RYR2: variants seen among roughly 807,000 people sequenced by gnomAD.
The protein encoded by RYR2 is ryanodine receptor 2, also known as cardiac muscle ryanodine receptor-calcium release channel.
Under a neutral mutation model 601.1 loss-of-function variants are expected in RYR2, and 227 were observed. The ratio of observed to expected loss-of-function variants is 0.38; its 90% CI spans 0.34 to 0.42. The LOEUF is 0.42. Ranked by LOEUF, RYR2 falls within the 10% of genes least tolerant of loss-of-function variation. RYR2 has a pLI of 1.00. For synonymous variants in RYR2, 2,223 were observed against 2,175.1 expected (o/e 1.02, Z -0.61); for missense variants, 4,646 against 6,156.5 (o/e 0.75, Z 8.21).
chr1:237,141,574 T>A (rs531125910), intron 1 of RYR2, among the ~76,000 whole-genome samples: 1 of 152,236 alleles, frequency 6.6e-6, no homozygotes, highest in South Asian at 2.1e-4. Context: ...GTTCCCCAAC[T>A]GGGAAGATGT....
At chr1:237,581,362 G>A (rs1210213114) in intron 29 of RYR2, among the ~76,000 whole-genome samples, 2 of 152,152 alleles carry the variant, frequency 1.3e-5, no homozygotes, top group African/African-American at 2.4e-5. Context: ...CCTGAAAGGA[G>A]TGTGAGTAAA....
chr1:237,784,201 C>T lies in RYR2; in HGVS notation c.12489C>T (p.Pro4163=), dbSNP rs777321777. 13 of 1,613,848 alleles carry T rather than the reference C, an allele frequency of 8.1e-6. No individual in the cohort carries two copies. The highest frequency in any genetic ancestry group is 5.0e-5 in the Admixed American group (3 of 59,996). The change falls in exon 90 of 105, where the codon CCC becomes CCT. Residue 4163 remains proline (P), a synonymous_variant. Transcript: ENST00000366574. This position sits in a 1 kb window ranked among gnomAD's most constrained non-coding sequence, Gnocchi z 7.1. The part of the protein sequence containing the change: ...SESSRTQWEK[P]QVKESKRQFI... ...CCAGCCGAACCCAGTGGGAGAAGCC[C>T]CAGGTCAAGGAGTCCAAAAGACAGT...
Position 237,654,327 on chromosome 1 carries a change from G to C in RYR2, c.7878G>C (p.Gly2626=), listed in dbSNP as rs1553269593. The change falls in exon 52 of 105, where the codon GGG becomes GGC. Residue 2626 remains glycine (G), a synonymous_variant. Coordinates refer to ENST00000366574, the MANE Select transcript of RYR2 (RefSeq NM_001035.3). ...RCWKYYCLPG[G]WGNFGAASEE... ...GGAAATATTACTGCCTGCCTGGAGG[G>C]TGGGGAAACTTTGGTGCTGCCTCAG... 6.2e-7 allele frequency: 1 copy of C among 1,613,968 alleles called. No homozygotes were observed. Among genetic ancestry groups the C allele is most frequent in the Non-Finnish European group, 8.5e-7 (1 of 1,179,874 alleles).
chr1:237,259,595 G>A (rs1688327905), intron 1 of RYR2, among the ~76,000 whole-genome samples: 2 of 150,010 alleles, frequency 1.3e-5, no homozygotes, highest in Non-Finnish European at 3.0e-5. Flanking sequence ...AGCATAAATA[G>A]TTAAGCCTAC....
intron 1 of RYR2, among the ~76,000 whole-genome samples, chr1:237,121,273 G>A (rs1450939671): frequency 6.6e-6 from 1 of 152,114 alleles, no homozygotes; most frequent in Non-Finnish European, 1.5e-5. Context: ...GCCTTACTTA[G>A]GCTTCTGATG....
intron 92 of RYR2, 45 bp downstream of exon 92, chr1:237,788,180 C>A (rs533405558): frequency 2.7e-6 from 4 of 1,490,466 alleles, no homozygotes; most frequent in East Asian, 2.3e-5. Context: ...TAGTGCAATA[C>A]CGTAATAATT....
chr1:237,595,174 G>A (rs1250600576), intron 33 of RYR2, among the ~76,000 whole-genome samples: 2 of 151,958 alleles, frequency 1.3e-5, no homozygotes, highest in African/African-American at 4.8e-5. Context: ...TTTTTAAATA[G>A]TTAAACTTTT....
intron 66 of RYR2, among the ~76,000 whole-genome samples, chr1:237,703,620 A>T (rs890240001): frequency 6.8e-6 from 1 of 148,124 alleles, no homozygotes; most frequent in African/African-American, 2.4e-5. Context: ...TATATATATA[A>T]AATATATAAA....
chr1:237,251,317 C>T lies in RYR2; in HGVS notation c.49-19180C>T, dbSNP rs967112117. 2.0e-4 allele frequency among the ~76,000 whole-genome samples: 30 copies of T among 152,178 alleles called. 1 individual carries two copies. The highest frequency in any genetic ancestry group is 6.3e-4 in the African/African-American group (26 of 41,456). On this transcript the variant is annotated intron_variant, in intron 1 of 104. Transcript: ENST00000366574. ...CTTCTCATTCATTCTTAAGTCCCCT[C>T]CATTCTGGATCTCTTCCCCACAGCT...
intron 80 of RYR2, among the ~76,000 whole-genome samples, chr1:237,744,856 G>A (rs891110916): frequency 1.3e-5 from 2 of 149,870 alleles, no homozygotes; most frequent in African/African-American, 4.9e-5. Flanking sequence ...GAGTGCAGTG[G>A]CAGGATCTCA....
At position 237,681,205 on chromosome 1, in the gene RYR2, A is replaced by G. The variant is rs144132330; in HGVS notation, c.9017+628A>G. Among the ~76,000 whole-genome samples, 636 of 152,362 alleles carry G rather than the reference A, an allele frequency of 4.2e-3. 6 individuals carry two copies. The highest frequency in any genetic ancestry group is 8.0e-3 in the Admixed American group (122 of 15,306). On this transcript the variant is annotated intron_variant, in intron 62 of 104. Coordinates refer to ENST00000366574, the MANE Select transcript of RYR2 (RefSeq NM_001035.3). ...AGAGCAAGTTTACTTCTCTAATATTACATTGCCCAAAAGTCCATACCAAGC... is the reference window on the plus strand; with the variant it reads ...AGAGCAAGTTTACTTCTCTAATATTGCATTGCCCAAAAGTCCATACCAAGC...
chr1:237,506,735 G>C lies in RYR2; in HGVS notation c.2639G>C (p.Arg880Thr), dbSNP rs1386796924. ...SQIVLPPHLE[R>T]IREKLAENIH... The stretch of plus-strand genomic sequence containing the variant: ...ATCGTGTTGCCTCCTCATCTAGAAA[G>C]AATAAGAGAAAAACTGGCAGAGAAT... The change falls in exon 23 of 105, where the codon AGA becomes ACA. Residue 880 changes from arginine to threonine, a missense_variant. Arg to Thr is a moderately conservative substitution (Grantham distance 71). This residue lies in a region of RYR2 where 1,807 missense variants were observed against 2,088.1 expected (regional missense o/e 0.87). Coordinates refer to ENST00000366574, the MANE Select transcript of RYR2 (RefSeq NM_001035.3). 1 of 1,613,342 alleles carries C rather than the reference G, an allele frequency of 6.2e-7. No individual in the cohort carries two copies. Among genetic ancestry groups the C allele is most frequent in the East Asian group, 2.2e-5 (1 of 44,852 alleles).
chr1:237,173,009 A>G (rs565815940), intron 1 of RYR2, among the ~76,000 whole-genome samples: 1 of 152,334 alleles, frequency 6.6e-6, no homozygotes, highest in Admixed American at 6.5e-5. Flanking sequence ...TGGCAATCAT[A>G]TAGCCCATTT....
rs909546779 is a variant in RYR2, at chr1:237,691,696, A to G, written c.9067+4192A>G. ...AAAAGGAAGACAAGCGGTATTACCC[A>G]TAGAATTCTGATGAATCAATTAGAA... On this transcript the variant is annotated intron_variant, in intron 63 of 104. Transcript: ENST00000366574. Among the ~76,000 whole-genome samples the G allele has an allele frequency of 2.0e-5, 3 of 152,258 alleles. No individual in the cohort carries two copies. In the East Asian group the frequency reaches 5.8e-4, roughly 29 times the overall value.
rs1676550972 is a variant in RYR2 at position 237,601,973 on chromosome 1, C to T, written c.4597-52C>T. On this transcript the variant is annotated intron_variant, in intron 34 of 104. Coordinates refer to ENST00000366574, the MANE Select transcript of RYR2 (RefSeq NM_001035.3). ...TTGTTGTTATAAAGAAAAACTTTTT[C>T]CCTTGTCTTGTTTCATTACTAACAT... 3.3e-6 allele frequency: 5 copies of T among 1,497,636 alleles called. No individual in the cohort carries two copies. The East Asian group carries it at 6.9e-5, about 21-fold the overall frequency. The allele number at this position is 1,497,636 out of a possible 1,614,324, so 92.8% of individuals were successfully genotyped here. A position where few individuals can be genotyped will look rare whatever the true frequency, so the allele number is the denominator to read the frequency against.
In RYR2 at chr1:237,806,297, C is replaced by T; in HGVS notation, c.14298+14C>T. The T allele has an allele frequency of 6.3e-7, 1 of 1,597,804 alleles. No homozygotes were observed. The highest frequency in any genetic ancestry group is 8.5e-7 in the Non-Finnish European group (1 of 1,171,984). On this transcript the variant is annotated intron_variant, in intron 99 of 104. Coordinates refer to ENST00000366574, the MANE Select transcript of RYR2 (RefSeq NM_001035.3). Reference sequence around the variant, plus strand: ...AATGGCAAACAGGTAAACAGTTTATCTTTTTCCTCCCTTGCAGAAAATAAA... The same window carrying T: ...AATGGCAAACAGGTAAACAGTTTATTTTTTTCCTCCCTTGCAGAAAATAAA...
chr1:237,066,710 C>T (rs935541271), intron 1 of RYR2, among the ~76,000 whole-genome samples: 10 of 151,322 alleles, frequency 6.6e-5, no homozygotes, highest in African/African-American at 2.4e-4. Flanking sequence ...GGTGCAATCT[C>T]GGCTCACTGC....
intron 25 of RYR2, among the ~76,000 whole-genome samples, chr1:237,539,484 A>G (rs1558992146): frequency 6.6e-6 from 1 of 152,226 alleles, no homozygotes; most frequent in Non-Finnish European, 1.5e-5. Context: ...CAAGTTCAAT[A>G]TATCAATTGG....
intron 76 of RYR2, among the ~76,000 whole-genome samples, chr1:237,730,056 G>A (rs1690538721): frequency 6.6e-6 from 1 of 152,118 alleles, no homozygotes. Flanking sequence ...GCTTGGAAAT[G>A]ACTGAGCCAG....
Sources: allele counts gnomAD v4.1 joint callset (sites outside exome capture counted in the v4.1 genomes callset), GRCh38; gene constraint gnomAD v4.1.1; regional missense constraint gnomAD v4.1.1; non-coding constraint Gnocchi (gnomAD v3.1); transcripts MANE v1.5; gene names NCBI Gene and HGNC (gene_info 2026-07-23, HGNC 2026-07-21).